Variants in DUSP16 observed in about 807,000 individuals in gnomAD.
DUSP16 encodes the protein dual specificity phosphatase 16.
DUSP16 carries 21 observed loss-of-function variants against 58.3 expected under a neutral mutation model. That is an observed-to-expected ratio of 0.36 (90% confidence interval 0.26 to 0.52). DUSP16 has a LOEUF of 0.52. Among genes scored for constraint, DUSP16 ranks in the 20% least tolerant of loss-of-function variants. The pLI, the probability that DUSP16 is intolerant of heterozygous loss-of-function variation, is 0.94. For synonymous variants in DUSP16, 320 were observed against 323.8 expected, an observed-to-expected ratio of 0.99 and a Z score of 0.12; for missense variants, 726 against 819.0, an observed-to-expected ratio of 0.89 and a Z score of 1.39.
chr12:12,561,398 A>T (rs1342154109), intron 1 of DUSP16, among the ~76,000 whole-genome samples: 3 of 152,198 alleles, frequency 2.0e-5, no homozygotes, highest in African/African-American at 7.2e-5. Context: ...GGTATTCTTT[A>T]GGAAATAAAC....
chr12:12,509,929 A>G (rs1012405557), intron 3 of DUSP16, among the ~76,000 whole-genome samples: 4 of 152,158 alleles, frequency 2.6e-5, no homozygotes, highest in African/African-American at 9.7e-5. Flanking sequence ...GTGAGGAGGC[A>G]CAGGGCAAGA....
intron 1 of DUSP16, among the ~76,000 whole-genome samples, chr12:12,527,285 C>A (rs974991857): frequency 5.9e-5 from 9 of 152,004 alleles, no homozygotes; most frequent in Admixed American, 1.3e-4. Flanking sequence ...AGGAAAAAAA[C>A]CAATCAAAAG....
intron 1 of DUSP16, among the ~76,000 whole-genome samples, chr12:12,556,079 G>T (rs75463423): frequency 0.064 from 9,774 of 152,108 alleles, 465 homozygotes; most frequent in East Asian, 0.21. Context: ...ATTTAGTTTA[G>T]GAGGAAATCA....
At chr12:12,523,760 A>G (rs920207647) in intron 1 of DUSP16, among the ~76,000 whole-genome samples, 2 of 152,212 alleles carry the variant, frequency 1.3e-5, no homozygotes, top group Admixed American at 6.5e-5. Context: ...GTTCACGGCA[A>G]TGTAAGGTCC....
At chr12:12,523,444 C>A (rs1339885823) in intron 1 of DUSP16, among the ~76,000 whole-genome samples, 3 of 152,186 alleles carry the variant, frequency 2.0e-5, no homozygotes, top group African/African-American at 4.8e-5. Context: ...AAACTGTGCC[C>A]TTTCTCACAG....
chr12:12,558,434 C>T (rs11054970), intron 1 of DUSP16, among the ~76,000 whole-genome samples: 51,035 of 151,130 alleles, frequency 0.34, 8,926 homozygotes, highest in East Asian at 0.44. Context: ...CAAGCTGGAG[C>T]GCAGCAGTGC....
At chr12:12,499,162 G>C (rs1429341311) in intron 4 of DUSP16, among the ~76,000 whole-genome samples, 2 of 152,140 alleles carry the variant, frequency 1.3e-5, no homozygotes, top group African/African-American at 4.8e-5. Context: ...GCTGATGGCT[G>C]GTTAAGGTTT....
At chr12:12,498,341 A>C (rs1296253185) in intron 4 of DUSP16, among the ~76,000 whole-genome samples, 1 of 152,040 alleles carries the variant, frequency 6.6e-6, no homozygotes, top group East Asian at 1.9e-4. Context: ...TTCAACGCTA[A>C]GGTTTTTGTC....
At chr12:12,493,512 C>T (rs1943789491) in intron 4 of DUSP16, among the ~76,000 whole-genome samples, 1 of 152,188 alleles carries the variant, frequency 6.6e-6, no homozygotes, top group African/African-American at 2.4e-5. Flanking sequence ...TCCCTCTGAA[C>T]TCTTTTTCTC....
chr12:12,489,161 G>A (rs140782646), intron 4 of DUSP16, among the ~76,000 whole-genome samples: 1 of 152,274 alleles, frequency 6.6e-6, no homozygotes, highest in African/African-American at 2.4e-5. Flanking sequence ...AGATGACAAT[G>A]TCAATAAACA....
intron 4 of DUSP16, among the ~76,000 whole-genome samples, chr12:12,496,551 A>G (rs968921061): frequency 1.3e-5 from 2 of 152,274 alleles, no homozygotes; most frequent in Non-Finnish European, 2.9e-5. Context: ...AAGAAGCTGC[A>G]GTGGTTCACC....
In DUSP16 at chr12:12,475,269, C is replaced by G. The variant is rs1309755781; in HGVS notation, c.*1564G>C. 1 of 143,842 alleles carries G rather than the reference C, an allele frequency of 7.0e-6. No individual in the cohort carries two copies. Among genetic ancestry groups the G allele is most frequent in the Non-Finnish European group, 1.5e-5 (1 of 65,426 alleles). 8.9% of individuals were successfully genotyped at this position (143,842 alleles called of 1,614,324 possible). ...AAGCTGCTGTTGTGAATTAAGGCTTCAAAAGAGGACCCACATTGTAGCTGA... is the reference window on the plus strand; with the variant it reads ...AAGCTGCTGTTGTGAATTAAGGCTTGAAAAGAGGACCCACATTGTAGCTGA... On this transcript the variant is annotated 3_prime_UTR_variant, in exon 7 of 7. Coordinates refer to ENST00000298573, the MANE Select transcript of DUSP16 (RefSeq NM_030640.3).
At chr12:12,545,666 C>T (rs193015442) in intron 1 of DUSP16, among the ~76,000 whole-genome samples, 130 of 152,174 alleles carry the variant, frequency 8.5e-4, no homozygotes, top group Non-Finnish European at 1.4e-3. Context: ...TGAGTTTTGA[C>T]CAAATGTACA....
intron 1 of DUSP16, among the ~76,000 whole-genome samples, chr12:12,558,270 A>G (rs573316674): frequency 1.3e-5 from 2 of 152,354 alleles, no homozygotes; most frequent in Admixed American, 1.3e-4. Flanking sequence ...AACTCAAAAT[A>G]GGCCATGATA....
chr12:12,487,191 T>C lies in DUSP16; in HGVS notation c.532-4A>G, dbSNP rs748904946. 5 of 1,613,330 alleles carry C rather than the reference T, an allele frequency of 3.1e-6. No homozygotes were observed. The highest frequency in any genetic ancestry group is 1.7e-4 in the Middle Eastern group (1 of 6,058). ...TCCCATTCTGCTGCATCAGCTCCTA[T>C]GGAGAGAAAGAGTAGCAGTTAAAGT... On this transcript the variant is annotated splice_polypyrimidine_tract_variant and splice_region_variant and intron_variant, in intron 4 of 6. Transcript: ENST00000298573.
chr12:12,518,211 T>C (rs1223099490), intron 3 of DUSP16, among the ~76,000 whole-genome samples: 2 of 152,258 alleles, frequency 1.3e-5, no homozygotes, highest in East Asian at 1.9e-4. Flanking sequence ...TCTTGGCATA[T>C]TGCTTCTTTA....
intron 4 of DUSP16, among the ~76,000 whole-genome samples, chr12:12,498,578 CTAATTTTTG>C (rs1943865512): frequency 6.6e-6 from 1 of 152,012 alleles, no homozygotes; most frequent in Non-Finnish European, 1.5e-5. Flanking sequence ...CAAAGCCCGG[CTAATTTTTG>C]TAATTTTTGT....
intron 1 of DUSP16, among the ~76,000 whole-genome samples, chr12:12,531,521 C>T (rs1944384009): frequency 6.6e-6 from 1 of 152,026 alleles, no homozygotes; most frequent in Non-Finnish European, 1.5e-5. Flanking sequence ...CTTAGTTTTA[C>T]AATATGGAAC....
At chr12:12,505,190 G>A (rs1477773901) in intron 3 of DUSP16, among the ~76,000 whole-genome samples, 1 of 152,178 alleles carries the variant, frequency 6.6e-6, no homozygotes. Context: ...AACCGGAAGA[G>A]CCAGGTTATA....
Sources: allele counts gnomAD v4.1 joint callset (sites outside exome capture counted in the v4.1 genomes callset), GRCh38; gene constraint gnomAD v4.1.1; transcripts MANE v1.5; gene names NCBI Gene and HGNC (gene_info 2026-07-23, HGNC 2026-07-21).